ZGRF1: variants seen among roughly 807,000 people sequenced by gnomAD.
The protein encoded by ZGRF1 is zinc finger GRF-type containing 1.
Under a neutral mutation model 203.5 loss-of-function variants are expected in ZGRF1, and 196 were observed. That is an observed-to-expected ratio of 0.96 (90% CI 0.86 to 1.08). The LOEUF (loss-of-function observed/expected upper bound fraction) is 1.08. Among genes scored for constraint, ZGRF1 ranks in the 50% least tolerant of loss-of-function variants. ZGRF1 has a pLI of 0.00. For synonymous variants in ZGRF1, 809 were observed against 841.3 expected, an observed-to-expected ratio of 0.96 and a Z score of 0.66; for missense variants, 2,326 against 2,416.3, an observed-to-expected ratio of 0.96 and a Z score of 0.78.
At position 112,618,332 on chromosome 4, in the gene ZGRF1, T is replaced by G. The variant is rs763782672; in HGVS notation, c.1710A>C (p.Ser570=). 3 of 1,613,898 alleles carry G rather than the reference T, an allele frequency of 1.9e-6. No individual in the cohort carries two copies. Among genetic ancestry groups the G allele is most frequent in the African/African-American group, 2.7e-5 (2 of 75,040 alleles). Residue 570 remains serine (S), a synonymous_variant, in exon 6 of 28, where the codon TCA becomes TCC. Coordinates refer to ENST00000505019, the MANE Select transcript of ZGRF1 (RefSeq NM_018392.5). ...TATTCTCAGACCTCTTTTGAAAACA[T>G]GAATTGCCATCATTAACCAAAATGT... The part of the protein sequence containing the change: ...VKDILVNDGN[S]CFQKRSENTN...
At chr4:112,578,881 A>T (rs1288193335) in intron 16 of ZGRF1, among the ~76,000 whole-genome samples, 2 of 123,232 alleles carry the variant, frequency 1.6e-5, no homozygotes, top group African/African-American at 5.6e-5. Context: ...AAACTATTCC[A>T]ATCAATAGAA....
rs537748807 is a variant in ZGRF1, at chr4:112,569,006, C to T, written c.4439-5732G>A. On this transcript the variant is annotated intron_variant, in intron 16 of 27. Coordinates refer to ENST00000505019, the MANE Select transcript of ZGRF1 (RefSeq NM_018392.5). ...ACTCCAGCCTGGCGACAGAGCAAGA[C>T]TCCATCTCAGAAAAAAAAATAAAAT... Among the ~76,000 whole-genome samples the T allele has an allele frequency of 2.6e-5, 4 of 152,056 alleles. No individual in the cohort carries two copies. In the South Asian group the frequency reaches 8.3e-4, roughly 32 times the overall value.
Position 112,617,998 on chromosome 4 carries a change from AT to A in ZGRF1, c.2043del (p.Lys681AsnfsTer5). Reference sequence around the variant, plus strand: ...TGTAAATTCATGTTTATACCTTTAGATTTATTCGGGGGTAAAGCAAAATCAT... The same window carrying A: ...TGTAAATTCATGTTTATACCTTTAGATTATTCGGGGGTAAAGCAAAATCAT... ...INYDFALPPN[K>X]SKGINMNLHI... On this transcript the variant is annotated frameshift_variant, in exon 6 of 28. Coordinates refer to ENST00000505019, the MANE Select transcript of ZGRF1 (RefSeq NM_018392.5). LOFTEE classifies it high-confidence loss of function. 1 of 1,612,672 alleles carries A rather than the reference AT, an allele frequency of 6.2e-7. No homozygotes were observed. The highest frequency in any genetic ancestry group is 8.5e-7 in the Non-Finnish European group (1 of 1,179,784).
intron 26 of ZGRF1, 121 bp from the exon 27 acceptor site, chr4:112,540,245 G>A (rs892363656): frequency 2.7e-5 from 16 of 591,840 alleles, no homozygotes; most frequent in Admixed American, 2.0e-4. Flanking sequence ...TTTCTTTTAT[G>A]ACTCACATAG....
At position 112,539,618 on chromosome 4, in the gene ZGRF1, C is replaced by T. The variant is rs565813070; in HGVS notation, c.6244G>A (p.Glu2082Lys). The change falls in exon 28 of 28, where the codon GAA becomes AAA. Residue 2082 changes from glutamate (E) to lysine (K), a missense_variant. Physicochemically the swap from Glu to Lys is moderately conservative, Grantham distance 56. Coordinates refer to ENST00000505019, the MANE Select transcript of ZGRF1 (RefSeq NM_018392.5). ...TTCTGTTTTTCTTCCACTTGTTTTT[C>T]AAAATAATCTTTAAGGAGATGGTTC... ...QLNHLLKDYF[E>K]KQVEEKQKKK... 1 of 1,594,192 alleles carries T rather than the reference C, an allele frequency of 6.3e-7. No individual in the cohort carries two copies. Among genetic ancestry groups the T allele is most frequent in the African/African-American group, 1.3e-5 (1 of 74,748 alleles).
intron 19 of ZGRF1, among the ~76,000 whole-genome samples, chr4:112,560,185 T>C (rs540038983): frequency 2.6e-5 from 4 of 152,278 alleles, no homozygotes; most frequent in Admixed American, 2.6e-4. Context: ...GATAGAACTA[T>C]TTACTGTAAG....
rs1057518892 is a variant in ZGRF1, at chr4:112,587,459, CAG to C, written c.3596_3597del (p.Ser1199CysfsTer18). The part of the protein sequence containing the change: ...SDAVNESSLD[S>X]VHLQMIKGML... ...ATGCCTTTTATCATTTGCAAATGCA[CAG>C]AGTCTAAAGAGCTTTCATTGACAGC... On this transcript the variant is annotated frameshift_variant, in exon 12 of 28. Coordinates refer to ENST00000505019, the MANE Select transcript of ZGRF1 (RefSeq NM_018392.5). LOFTEE classifies it high-confidence loss of function. 5.4e-5 allele frequency: 87 copies of C among 1,613,836 alleles called. No individual in the cohort carries two copies. Among genetic ancestry groups the C allele is most frequent in the Non-Finnish European group, 7.0e-5 (83 of 1,179,860 alleles).
chr4:112,599,359 G>A (rs1449842915), intron 10 of ZGRF1, among the ~76,000 whole-genome samples: 2 of 152,016 alleles, frequency 1.3e-5, no homozygotes, highest in African/African-American at 4.8e-5. Context: ...AAACCATTAA[G>A]CTAGTTCTAA....
rs376664851 is a variant in ZGRF1, at chr4:112,591,388, T to G, written c.2977-1514A>C. On this transcript the variant is annotated intron_variant, in intron 10 of 27. Coordinates refer to ENST00000505019, the MANE Select transcript of ZGRF1 (RefSeq NM_018392.5). ...CAGGCAGTACTTACTGAGTACAGTA[T>G]TCCGCTCTGTTCCCCTACTACCCTC... Among the ~76,000 whole-genome samples the G allele has an allele frequency of 5.3e-5, 8 of 152,328 alleles. No homozygotes were observed. In the East Asian group the frequency reaches 1.2e-3, roughly 22 times the overall value.
At chr4:112,583,081 C>T (rs922163349) in intron 15 of ZGRF1, among the ~76,000 whole-genome samples, 1 of 151,990 alleles carries the variant, frequency 6.6e-6, no homozygotes. Context: ...AACTATAAAA[C>T]GGGAATAACT....
chr4:112,583,294 C>T (rs969105152), intron 15 of ZGRF1, among the ~76,000 whole-genome samples: 2 of 152,112 alleles, frequency 1.3e-5, no homozygotes, highest in African/African-American at 4.8e-5. Context: ...CATTCTATTA[C>T]CCTATAAGCT....
At chr4:112,597,891 C>CCACA (rs771351909) in intron 10 of ZGRF1, among the ~76,000 whole-genome samples, 2 of 147,012 alleles carry the variant, frequency 1.4e-5, no homozygotes, top group African/African-American at 5.0e-5. Flanking sequence ...CAAAATGTAC[C>CCACA]CACACACACA....
chr4:112,631,472 C>T (rs1256187886), intron 3 of ZGRF1, among the ~76,000 whole-genome samples: 3 of 152,062 alleles, frequency 2.0e-5, no homozygotes, highest in Non-Finnish European at 4.4e-5. Context: ...GAGTTCGAGA[C>T]AAGCCTGGGA....
At chr4:112,636,780 G>A (rs1208618784) in intron 1 of ZGRF1, 71 bp downstream of exon 1, 5 of 152,210 alleles carry the variant, frequency 3.3e-5, no homozygotes, top group Non-Finnish European at 7.3e-5. Context: ...TTAAGGAGCA[G>A]AGTCTTTCGT....
At chr4:112,581,319 C>A (rs891520004) in intron 16 of ZGRF1, among the ~76,000 whole-genome samples, 1 of 150,358 alleles carries the variant, frequency 6.7e-6, no homozygotes, top group African/African-American at 2.4e-5. Flanking sequence ...AGGAGATATA[C>A]CTAATGTTAA....
intron 6 of ZGRF1, 71 bp downstream of exon 6, chr4:112,617,369 C>G (rs1406274965): frequency 1.8e-6 from 2 of 1,117,782 alleles, no homozygotes; most frequent in Admixed American, 5.1e-5. Context: ...TCACCCAGAG[C>G]TAATATCTTC....
intron 10 of ZGRF1, among the ~76,000 whole-genome samples, chr4:112,601,655 T>C (rs1406022718): frequency 6.6e-6 from 1 of 151,490 alleles, no homozygotes; most frequent in Non-Finnish European, 1.5e-5. Context: ...GGAGGATTGC[T>C]TGAGTCCAAG....
Position 112,554,737 on chromosome 4 carries a change from A to C in ZGRF1, c.5166T>G (p.Val1722=). The C allele has an allele frequency of 6.5e-7, 1 of 1,545,172 alleles. No individual in the cohort carries two copies. Among genetic ancestry groups the C allele is most frequent in the Non-Finnish European group, 8.8e-7 (1 of 1,141,082 alleles). The stretch of plus-strand genomic sequence containing the variant: ...GTAAAATTGGTTTGGCAATCTTCCT[A>C]ACACTCCCAACTCTGATAAAGTTTT... ...GFENFIRVGS[V]RKIAKPILPY... Residue 1722 remains valine (V), a synonymous_variant, in exon 21 of 28, where the codon GTT becomes GTG. Coordinates refer to ENST00000505019, the MANE Select transcript of ZGRF1 (RefSeq NM_018392.5).
chr4:112,552,815 C>T (rs1740209475), intron 22 of ZGRF1, among the ~76,000 whole-genome samples: 1 of 152,166 alleles, frequency 6.6e-6, no homozygotes, highest in Non-Finnish European at 1.5e-5. Context: ...TTCCCTGCCT[C>T]ACTGATGTTA....
Sources: gnomAD v4.1 joint callset for allele counts (sites outside exome capture counted in the v4.1 genomes callset) on GRCh38, gnomAD v4.1.1 for gene constraint, MANE v1.5 for transcripts, NCBI Gene and HGNC (gene_info 2026-07-23, HGNC 2026-07-21) for gene names.